The following CDH4 variants were observed in gnomAD, a reference collection of about 807,000 sequenced individuals.
CDH4 encodes the protein cadherin-4.
Under a neutral mutation model 86.0 loss-of-function variants are expected in CDH4, and 33 were observed. The ratio of observed to expected loss-of-function variants is 0.38; its 90% confidence interval spans 0.29 to 0.51. CDH4 has a LOEUF of 0.51. CDH4 is among the 20% of genes least tolerant of loss of function. The probability of loss-of-function intolerance (pLI) is 0.86; values close to 1 mark genes in which losing one functional copy is unlikely to be tolerated. For missense variants in CDH4, 1,114 were observed against 1,307.4 expected, an observed-to-expected ratio of 0.85 and a Z score of 2.28; for synonymous variants, 555 against 549.4, an observed-to-expected ratio of 1.01 and a Z score of -0.14.
chr20:61,897,952 G>A (rs557166088), intron 8 of CDH4, among the ~76,000 whole-genome samples: 28 of 152,376 alleles, frequency 1.8e-4, no homozygotes, highest in African/African-American at 6.3e-4. Flanking sequence ...GGCCGGCGGG[G>A]TGACATGCTA....
intron 2 of CDH4, among the ~76,000 whole-genome samples, chr20:61,285,404 G>C (rs2084287976): frequency 6.6e-6 from 1 of 150,708 alleles, no homozygotes; most frequent in African/African-American, 2.5e-5. Flanking sequence ...GTGTAGCATA[G>C]AGCAGGGGCA....
chr20:61,552,865 GAA>G (rs59080880), intron 2 of CDH4, among the ~76,000 whole-genome samples: 7,575 of 148,604 alleles, frequency 0.051, 360 homozygotes, highest in African/African-American at 0.13. Flanking sequence ...CCACTGTAAA[GAA>G]AAAAAAAAAA....
chr20:61,732,362 G>A (rs770482763), intron 2 of CDH4, among the ~76,000 whole-genome samples: 1 of 152,124 alleles, frequency 6.6e-6, no homozygotes, highest in Non-Finnish European at 1.5e-5. Flanking sequence ...AAGTGTGGAG[G>A]TGACCGCGTG....
chr20:61,765,042 A>G (rs951342045), intron 3 of CDH4, among the ~76,000 whole-genome samples: 12 of 152,212 alleles, frequency 7.9e-5, no homozygotes, highest in African/African-American at 2.4e-5. Context: ...AGAAGCAGGC[A>G]GGTTTAGAGT....
rs1238896492 is a variant in CDH4 at position 61,676,327 on chromosome 20, G to A, written c.170-67236G>A. On this transcript the variant is annotated intron_variant, in intron 2 of 15. Transcript: ENST00000614565. This position sits in a 1 kb window ranked among gnomAD's most constrained non-coding sequence, Gnocchi z 4.5. ...GAAATGAATAGTGCGATTGAATACT[G>A]CGGCCCCCAGAGGAGGTGGGATTGC... Among the ~76,000 whole-genome samples the A allele has an allele frequency of 6.6e-6, 1 of 152,194 alleles. No individual in the cohort carries two copies. Among genetic ancestry groups the A allele is most frequent in the Non-Finnish European group, 1.5e-5 (1 of 68,036 alleles).
chr20:61,696,692 T>C (rs780314812), intron 2 of CDH4, among the ~76,000 whole-genome samples: 16 of 152,168 alleles, frequency 1.1e-4, no homozygotes, highest in Non-Finnish European at 1.8e-4. Flanking sequence ...CCCAGGGCTC[T>C]AGAACATACT....
intron 9 of CDH4, among the ~76,000 whole-genome samples, chr20:61,923,054 AG>A (rs1208217021): frequency 1.1e-4 from 16 of 152,232 alleles, no homozygotes; most frequent in Non-Finnish European, 2.4e-4. Context: ...GCAACTGGTG[AG>A]GCCCCGCTGG....
intron 4 of CDH4, among the ~76,000 whole-genome samples, chr20:61,836,746 A>G (rs1309614106): frequency 6.6e-6 from 1 of 152,244 alleles, no homozygotes; most frequent in Non-Finnish European, 1.5e-5. Context: ...CACGTCGCCG[A>G]ATCTTGCTGG....
chr20:61,589,116 G>C (rs1051910650), intron 2 of CDH4, among the ~76,000 whole-genome samples: 1 of 152,194 alleles, frequency 6.6e-6, no homozygotes, highest in African/African-American at 2.4e-5. Context: ...TGTAAAACAT[G>C]ATTTATTTGC....
chr20:61,551,675 G>C (rs2086130892), intron 2 of CDH4, among the ~76,000 whole-genome samples: 1 of 152,170 alleles, frequency 6.6e-6, no homozygotes. Context: ...ATAGTGTCCT[G>C]TTGCAGATGA....
chr20:61,271,269 G>A (rs1434098737), intron 2 of CDH4, among the ~76,000 whole-genome samples: 2 of 152,160 alleles, frequency 1.3e-5, no homozygotes, highest in Non-Finnish European at 2.9e-5. Flanking sequence ...AGGGGACAGC[G>A]CAAAGGTTCT....
Position 61,326,761 on chromosome 20 carries a change from G to GT in CDH4, c.169+71833dup, listed in dbSNP as rs200585035. The stretch of plus-strand genomic sequence containing the variant: ...CACATCAATTGGTATCAAAAATGAG[G>GT]TTTTTTTTTCATTTCCTTGGAGGAA... On this transcript the variant is annotated intron_variant, in intron 2 of 15. Transcript: ENST00000614565. Among the ~76,000 whole-genome samples, 803 of 151,006 alleles carry GT rather than the reference G, an allele frequency of 5.3e-3. 6 individuals carry two copies. The highest frequency in any genetic ancestry group is 0.018 in the African/African-American group (751 of 41,128).
chr20:61,331,517 C>G (rs73134497), intron 2 of CDH4, among the ~76,000 whole-genome samples: 27,644 of 150,908 alleles, frequency 0.18, 2,669 homozygotes, highest in Middle Eastern at 0.35. Flanking sequence ...CAGAGCTGTC[C>G]TCTGATCTGC....
intron 2 of CDH4, among the ~76,000 whole-genome samples, chr20:61,346,104 C>T (rs2084677980): frequency 6.6e-6 from 1 of 152,198 alleles, no homozygotes. Flanking sequence ...GGGAAACCAG[C>T]ATCATGGGCT....
intron 2 of CDH4, among the ~76,000 whole-genome samples, chr20:61,567,849 T>A (rs1307554070): frequency 6.6e-6 from 1 of 152,128 alleles, no homozygotes; most frequent in Non-Finnish European, 1.5e-5. Flanking sequence ...GACACACACC[T>A]GTGGTCTCAG....
At chr20:61,741,019 TG>T (rs1265711678) in intron 2 of CDH4, 1 of 152,270 alleles carries the variant, frequency 6.6e-6, no homozygotes, top group Non-Finnish European at 1.5e-5. Context: ...GAGACCAGCC[TG>T]GCCAACGTGG....
At chr20:61,512,627 G>A (rs2085788419) in intron 2 of CDH4, among the ~76,000 whole-genome samples, 1 of 152,230 alleles carries the variant, frequency 6.6e-6, no homozygotes, top group South Asian at 2.1e-4. Context: ...ACTTAGAAAT[G>A]TTCCAACACC....
rs564888317 is a variant in CDH4, at chr20:61,770,009, A to T, written c.397-2994A>T. 2.0e-5 allele frequency among the ~76,000 whole-genome samples: 3 copies of T among 152,290 alleles called. No individual in the cohort carries two copies. The East Asian group carries it at 5.8e-4, about 29-fold the overall frequency. On this transcript the variant is annotated intron_variant, in intron 3 of 15. Transcript: ENST00000614565. ...AGTCCTGCTGTCCTGCTCATCGGAC[A>T]TTCAGTACCTATGAGGCACAGGCTA... is the stretch of plus-strand genomic sequence containing the variant.
intron 4 of CDH4, among the ~76,000 whole-genome samples, chr20:61,796,441 G>A (rs552586200): frequency 5.4e-4 from 82 of 152,182 alleles, no homozygotes; most frequent in African/African-American, 1.9e-3. Flanking sequence ...CCCCAGCCCC[G>A]CGTCCTACAG....
Sources: allele counts gnomAD v4.1 joint callset (sites outside exome capture counted in the v4.1 genomes callset), GRCh38; gene constraint gnomAD v4.1.1; non-coding constraint Gnocchi (gnomAD v3.1); transcripts MANE v1.5; gene names NCBI Gene and HGNC (gene_info 2026-07-23, HGNC 2026-07-21).